Variants in ADD2 observed in about 807,000 individuals in gnomAD.
ADD2 encodes the protein adducin 2.
Under a neutral mutation model 83.0 loss-of-function variants are expected in ADD2, and 23 were observed. The ratio of observed to expected loss-of-function variants is 0.28; its 90% CI spans 0.20 to 0.39. The LOEUF is 0.39. ADD2 is among the 10% of genes least tolerant of loss of function. The probability of loss-of-function intolerance (pLI) is 1.00; values close to 1 mark genes in which losing one functional copy is unlikely to be tolerated. For synonymous variants in ADD2, 375 were observed against 375.4 expected (o/e 1.00, Z 0.01); for missense variants, 758 against 944.9 (o/e 0.80, Z 2.59).
At chr2:70,752,966 TG>T (rs1295790301) in intron 1 of ADD2, among the ~76,000 whole-genome samples, 1 of 152,178 alleles carries the variant, frequency 6.6e-6, no homozygotes, top group Non-Finnish European at 1.5e-5. Context: ...AGTAGAGTTC[TG>T]GGGAGATAGG....
intron 2 of ADD2, among the ~76,000 whole-genome samples, chr2:70,708,138 G>A (rs979089654): frequency 6.6e-6 from 1 of 152,226 alleles, no homozygotes; most frequent in Non-Finnish European, 1.5e-5. Context: ...GGAGAATGAT[G>A]CCATAGATAA....
At chr2:70,720,759 G>A (rs1672694573) in intron 1 of ADD2, among the ~76,000 whole-genome samples, 1 of 152,112 alleles carries the variant, frequency 6.6e-6, no homozygotes, top group African/African-American at 2.4e-5. Flanking sequence ...TCTTCTTCCT[G>A]GGCGCCCATG....
At chr2:70,667,675 G>A (rs1669702248) in intron 15 of ADD2, among the ~76,000 whole-genome samples, 1 of 152,162 alleles carries the variant, frequency 6.6e-6, no homozygotes, top group Admixed American at 6.5e-5. Context: ...AGGCTGGAGT[G>A]TAATGGTGCA....
At chr2:70,752,930 G>A (rs1187340472) in intron 1 of ADD2, among the ~76,000 whole-genome samples, 1 of 152,184 alleles carries the variant, frequency 6.6e-6, no homozygotes, top group Non-Finnish European at 1.5e-5. Context: ...TGATCAGTGT[G>A]TACAGTAAAG....
intron 2 of ADD2, among the ~76,000 whole-genome samples, chr2:70,707,508 T>A (rs1553374741): frequency 6.6e-6 from 1 of 152,172 alleles, no homozygotes; most frequent in East Asian, 1.9e-4. Context: ...CTTGGAGCCC[T>A]TCTGAAGAGT....
Position 70,663,366 on chromosome 2 carries a change from T to G in ADD2, c.*59A>C. On this transcript the variant is annotated 3_prime_UTR_variant, in exon 16 of 16. Transcript: ENST00000264436. Reference sequence around the variant, plus strand: ...AGCCCTGTGCTTGCAGGGACAGAGATGGGAGAAGGGAAGGGGAGGAGAGAG... The same window carrying G: ...AGCCCTGTGCTTGCAGGGACAGAGAGGGGAGAAGGGAAGGGGAGGAGAGAG... The G allele has an allele frequency of 6.6e-7, 1 of 1,518,494 alleles. No homozygotes were observed. Among genetic ancestry groups the G allele is most frequent in the Non-Finnish European group, 9.0e-7 (1 of 1,112,884 alleles). 94.1% of individuals were successfully genotyped at this position (1,518,494 alleles called of 1,614,324 possible).
intron 15 of ADD2, among the ~76,000 whole-genome samples, chr2:70,671,728 G>A (rs570080993): frequency 9.5e-4 from 144 of 152,304 alleles, no homozygotes; most frequent in African/African-American, 3.4e-3. Flanking sequence ...TCAAGCAGAC[G>A]GGTTTCTTCT....
At chr2:70,712,451 ATAAAT>A (rs1558552107) in intron 2 of ADD2, among the ~76,000 whole-genome samples, 7 of 126,174 alleles carry the variant, frequency 5.5e-5, no homozygotes, top group African/African-American at 1.1e-4. Context: ...CTCAAAAAAA[ATAAAT>A]AAATAAAAAA....
intron 4 of ADD2, among the ~76,000 whole-genome samples, chr2:70,702,157 A>G (rs1553373573): frequency 6.6e-6 from 1 of 152,148 alleles, no homozygotes; most frequent in African/African-American, 2.4e-5. Context: ...AAATAATTCT[A>G]AAGTTTGATT....
chr2:70,719,276 T>C (rs1672617047), intron 1 of ADD2, among the ~76,000 whole-genome samples: 1 of 152,186 alleles, frequency 6.6e-6, no homozygotes, highest in African/African-American at 2.4e-5. Context: ...ATATCTGCCA[T>C]GGGTCAGGAC....
chr2:70,718,581 A>G (rs1305755474), intron 1 of ADD2, among the ~76,000 whole-genome samples: 3 of 152,224 alleles, frequency 2.0e-5, no homozygotes, highest in African/African-American at 7.2e-5. Flanking sequence ...AATGAGGACC[A>G]AGGTCCTGAG....
chr2:70,739,817 G>A (rs6546624), intron 1 of ADD2, among the ~76,000 whole-genome samples: 108 of 152,098 alleles, frequency 7.1e-4, no homozygotes, highest in African/African-American at 2.6e-3. Context: ...GGGAGCTACA[G>A]GATGAGAACA....
intron 9 of ADD2, among the ~76,000 whole-genome samples, chr2:70,684,922 CT>C (rs554162124): frequency 3.9e-5 from 6 of 152,056 alleles, no homozygotes; most frequent in African/African-American, 7.2e-5. Flanking sequence ...AACAAATCCC[CT>C]TTTTTTTAAA....
At chr2:70,716,095 G>GA (rs1672452409) in intron 1 of ADD2, among the ~76,000 whole-genome samples, 1 of 152,024 alleles carries the variant, frequency 6.6e-6, no homozygotes, top group Non-Finnish European at 1.5e-5. Flanking sequence ...TACCAAAATG[G>GA]CAGGTATACT....
intron 1 of ADD2, among the ~76,000 whole-genome samples, chr2:70,725,407 A>AATATAT (rs782346549): frequency 6.7e-6 from 1 of 150,178 alleles, no homozygotes. Context: ...CCCTGCCAAA[A>AATATAT]ATATATATAT....
chr2:70,757,885 C>A (rs1414159620), intron 1 of ADD2, among the ~76,000 whole-genome samples: 1 of 152,206 alleles, frequency 6.6e-6, no homozygotes, highest in Non-Finnish European at 1.5e-5. Flanking sequence ...TTAATAACTT[C>A]ATTTGTTCTT....
intron 12 of ADD2, among the ~76,000 whole-genome samples, chr2:70,677,403 G>A (rs1428772002): frequency 2.0e-5 from 3 of 152,146 alleles, no homozygotes; most frequent in African/African-American, 4.8e-5. Flanking sequence ...AAAAATACAC[G>A]CAAGTGAACT....
At position 70,755,330 on chromosome 2, in the gene ADD2, C is replaced by T. The variant is rs973411200; in HGVS notation, c.-154+12556G>A. The stretch of plus-strand genomic sequence containing the variant: ...GCCAGCACTAGCTTATCCTCTGATC[C>T]GTCTCACGAACCCACCTGCAACAGC... On this transcript the variant is annotated intron_variant, in intron 1 of 15. Transcript: ENST00000264436. Among the ~76,000 whole-genome samples, 176 of 152,338 alleles carry T rather than the reference C, an allele frequency of 1.2e-3. 1 individual carries two copies. The highest frequency in any genetic ancestry group is 3.9e-3 in the African/African-American group (163 of 41,590).
chr2:70,767,044 A>G (rs1675420854), intron 1 of ADD2, among the ~76,000 whole-genome samples: 1 of 152,172 alleles, frequency 6.6e-6, no homozygotes, highest in South Asian at 2.1e-4. Flanking sequence ...AGGCAAGACA[A>G]TAGGCCAGAC....
Sources: allele counts gnomAD v4.1 joint callset (sites outside exome capture counted in the v4.1 genomes callset), GRCh38; gene constraint gnomAD v4.1.1; transcripts MANE v1.5; gene names NCBI Gene and HGNC (gene_info 2026-07-23, HGNC 2026-07-21).